The following SLC2A14 variants were observed in gnomAD, a reference collection of about 807,000 sequenced individuals.
SLC2A14 encodes the protein solute carrier family 2 member 14.
A neutral mutation model predicts 43.0 loss-of-function variants in SLC2A14; 13 were observed. The ratio of observed to expected loss-of-function variants is 0.30; its 90% CI spans 0.20 to 0.48. The LOEUF (loss-of-function observed/expected upper bound fraction) is 0.48. SLC2A14 is among the 20% of genes least tolerant of loss of function. The pLI is 0.99. For missense variants in SLC2A14, 428 were observed against 620.4 expected (o/e 0.69, Z 3.29); for synonymous variants, 190 against 233.8 (o/e 0.81, Z 1.71).
chr12:7,844,583 C>T (rs1207791380), intron 2 of SLC2A14, among the ~76,000 whole-genome samples: 1 of 150,788 alleles, frequency 6.6e-6, no homozygotes, highest in African/African-American at 2.4e-5. Flanking sequence ...GTCACCCAGG[C>T]TGGAGTTCAG....
intron 2 of SLC2A14, among the ~76,000 whole-genome samples, chr12:7,868,630 G>A (rs7965290): frequency 1 from 151,988 of 152,282 alleles, 75,850 homozygotes; most frequent in Middle Eastern, 1. Context: ...AATGAGTCAT[G>A]AAGAACTACT....
In SLC2A14 at chr12:7,887,605, A is replaced by T. The variant is rs766239376; in HGVS notation, c.132+3391T>A. On this transcript the variant is annotated intron_variant, in intron 1 of 9. Transcript: ENST00000539924. ...GATAGATAGATAGATAGATAGATAG[A>T]TAGATAGTTAGATAGATAGATAGAA... is the stretch of plus-strand genomic sequence containing the variant. Among the ~76,000 whole-genome samples the T allele has an allele frequency of 1.2e-4, 10 of 83,652 alleles. No individual in the cohort carries two copies. In the South Asian group the frequency reaches 3.8e-3, roughly 32 times the overall value. The allele number at this position is 83,652 out of a possible 152,430, so 54.9% of individuals were successfully genotyped here.
Position 7,870,925 on chromosome 12 carries a change from C to T in SLC2A14, c.-57-988G>A, listed in dbSNP as rs1260687822. 1.4e-5 allele frequency: 20 copies of T among 1,417,556 alleles called. No homozygotes were observed. In the East Asian group the frequency reaches 1.4e-4, roughly 10 times the overall value. The allele number at this position is 1,417,556 out of a possible 1,614,324, so 87.8% of individuals were successfully genotyped here. On this transcript the variant is annotated intron_variant, in intron 1 of 10. Coordinates refer to ENST00000431042, the MANE Select transcript of SLC2A14 (RefSeq NM_001286234.2). Reference sequence around the variant, plus strand: ...CACAAGGGGCCACATCCAATGTCTTCGTGATGTTCGACCAGTTCCACATCC... The same window carrying T: ...CACAAGGGGCCACATCCAATGTCTTTGTGATGTTCGACCAGTTCCACATCC...
exon 1 of SLC2A14, chr12:7,891,077 T>G (rs948548877): frequency 1.3e-6 from 2 of 1,535,030 alleles, no homozygotes; most frequent in African/African-American, 2.7e-5. Flanking sequence ...TTTCATCTCC[T>G]TGTTTCACAC....
Position 7,862,529 on chromosome 12 carries a change from G to A in SLC2A14, c.18+7334C>T, listed in dbSNP as rs545736129. Among the ~76,000 whole-genome samples the A allele has an allele frequency of 9.3e-4, 142 of 152,150 alleles. 1 individual carries two copies. Among genetic ancestry groups the A allele is most frequent in the South Asian group, 1.7e-3 (8 of 4,820 alleles). The stretch of plus-strand genomic sequence containing the variant: ...CGACGAATGCCGCCCCCTGCTCCAC[G>A]GCGCCCAGTCCCATCGACCACCCAA... On this transcript the variant is annotated intron_variant, in intron 2 of 10. Transcript: ENST00000431042.
At chr12:7,865,581 A>G (rs1318462955) in intron 2 of SLC2A14, among the ~76,000 whole-genome samples, 1 of 151,954 alleles carries the variant, frequency 6.6e-6, no homozygotes, top group Non-Finnish European at 1.5e-5. Context: ...AATAAATCTA[A>G]TTAATAAATA....
chr12:7,823,055 C>T (rs1328588934), intron 7 of SLC2A14, among the ~76,000 whole-genome samples: 1 of 152,002 alleles, frequency 6.6e-6, no homozygotes, highest in Non-Finnish European at 1.5e-5. Flanking sequence ...AAATAAATTA[C>T]TATGTTTGTT....
At chr12:7,840,480 A>G (rs1865859999) in intron 2 of SLC2A14, among the ~76,000 whole-genome samples, 1 of 151,982 alleles carries the variant, frequency 6.6e-6, no homozygotes, top group Non-Finnish European at 1.5e-5. Flanking sequence ...CCTGGGTTCA[A>G]GCGATTCTCC....
At chr12:7,884,295 C>T (rs963891654) in intron 1 of SLC2A14, among the ~76,000 whole-genome samples, 3 of 152,108 alleles carry the variant, frequency 2.0e-5, no homozygotes, top group Non-Finnish European at 4.4e-5. Flanking sequence ...CTTATTTACT[C>T]CTGGAGGCTG....
At position 7,814,000 on chromosome 12, in the gene SLC2A14, A is replaced by C; in HGVS notation, c.*316T>G. On this transcript the variant is annotated 3_prime_UTR_variant, in exon 11 of 11. Transcript: ENST00000431042. ...TTACTTTTCCTCTCCTATATCCTCTAGTGCGGCAATATCAGAACCCAAGGG... is the reference window on the plus strand; with the variant it reads ...TTACTTTTCCTCTCCTATATCCTCTCGTGCGGCAATATCAGAACCCAAGGG... 2.8e-6 allele frequency: 1 copy of C among 358,504 alleles called. No homozygotes were observed. The highest frequency in any genetic ancestry group is 3.8e-5 in the Admixed American group (1 of 26,478). 22.2% of individuals were successfully genotyped at this position (358,504 alleles called of 1,614,324 possible). A position where few individuals can be genotyped will look rare whatever the true frequency, so the allele number is the denominator to read the frequency against.
At chr12:7,860,031 A>G (rs1050173403) in intron 2 of SLC2A14, among the ~76,000 whole-genome samples, 16 of 152,180 alleles carry the variant, frequency 1.1e-4, no homozygotes, top group Non-Finnish European at 1.8e-4. Context: ...TGCTTTTGCA[A>G]ATCCGCCTCC....
chr12:7,886,151 CTTTTTTTTTTTTTTTTTTTT>C (rs3044922), intron 1 of SLC2A14, among the ~76,000 whole-genome samples: 1 of 44,696 alleles, frequency 2.2e-5, no homozygotes, highest in Non-Finnish European at 3.9e-5. Flanking sequence ...GCCCGGACAG[CTTTTTTTTTTTTTTTTTTTT>C]TTTTTTTTTT....
chr12:7,831,472 G>A (rs1380499071), intron 4 of SLC2A14, 132 bp downstream of exon 4: 22 of 1,379,554 alleles, frequency 1.6e-5, no homozygotes, highest in African/African-American at 2.9e-5. Flanking sequence ...GGGCCAGTTG[G>A]GCTAGTTTCC....
At chr12:7,855,881 C>T (rs1017662122) in intron 2 of SLC2A14, among the ~76,000 whole-genome samples, 1 of 151,314 alleles carries the variant, frequency 6.6e-6, no homozygotes, top group Admixed American at 6.6e-5. Flanking sequence ...GTGATCTGCC[C>T]GCCTCAGCCT....
chr12:7,872,310 C>G (rs1444144785), intron 1 of SLC2A14: 2 of 152,270 alleles, frequency 1.3e-5, no homozygotes, highest in African/African-American at 4.8e-5. Flanking sequence ...AGTTCCTCCT[C>G]CCGAATCCAG....
chr12:7,871,242 C>T (rs1457779673), intron 1 of SLC2A14: 1 of 1,220,758 alleles, frequency 8.2e-7, no homozygotes, highest in Non-Finnish European at 1.0e-6. Context: ...TGCTCACCAC[C>T]ATGGGTGACA....
At chr12:7,856,979 C>T (rs1894828) in intron 2 of SLC2A14, among the ~76,000 whole-genome samples, 40,846 of 151,848 alleles carry the variant, frequency 0.27, 5,937 homozygotes, top group Middle Eastern at 0.34. Context: ...GGGCCAGGCA[C>T]GGTGGCTCAC....
chr12:7,858,231 C>T (rs1944358472), intron 2 of SLC2A14, among the ~76,000 whole-genome samples: 1 of 152,150 alleles, frequency 6.6e-6, no homozygotes, highest in African/African-American at 2.4e-5. Flanking sequence ...TTGAACCATT[C>T]CTGTCAGTCA....
intron 2 of SLC2A14, among the ~76,000 whole-genome samples, chr12:7,860,129 C>T (rs1001234373): frequency 1.3e-5 from 2 of 152,078 alleles, no homozygotes; most frequent in Admixed American, 6.6e-5. Flanking sequence ...TATATCTTTG[C>T]GCCATCCCTC....
Sources: allele counts gnomAD v4.1 joint callset (sites outside exome capture counted in the v4.1 genomes callset), GRCh38; gene constraint gnomAD v4.1.1; transcripts MANE v1.5; gene names NCBI Gene and HGNC (gene_info 2026-07-23, HGNC 2026-07-21).